Variants in SETBP1 observed in about 807,000 individuals in gnomAD.
The protein encoded by SETBP1 is SET binding protein 1, also known as SET-binding protein.
In SETBP1, 9 loss-of-function variants were observed where a neutral mutation model predicts 101.0. That is an observed-to-expected ratio of 0.09 (90% CI 0.05 to 0.16). The LOEUF (loss-of-function observed/expected upper bound fraction) is 0.16, where lower values mean the gene tolerates loss of function less well. SETBP1 is among the 10% of genes least tolerant of loss of function. The probability of loss-of-function intolerance (pLI) is 1.00; values close to 1 mark genes in which losing one functional copy is unlikely to be tolerated. For missense variants in SETBP1, 1,858 were observed against 2,033.8 expected (o/e 0.91, Z 1.66); for synonymous variants, 818 against 788.5 (o/e 1.04, Z -0.63).
chr18:44,733,745 G>A (rs17782904), intron 2 of SETBP1, among the ~76,000 whole-genome samples: 26,612 of 152,160 alleles, frequency 0.17, 2,643 homozygotes, highest in Middle Eastern at 0.25. Context: ...ATTGCACGGT[G>A]TCCCTGAGAA....
At chr18:44,887,290 A>G (rs538302397) in intron 3 of SETBP1, among the ~76,000 whole-genome samples, 4 of 152,228 alleles carry the variant, frequency 2.6e-5, no homozygotes, top group South Asian at 2.1e-4. Flanking sequence ...CCTTTGGGAC[A>G]TGTTTGATGA....
At position 44,951,609 on chromosome 18, in the gene SETBP1, G is replaced by C. The variant is rs2071352943; in HGVS notation, c.2269G>C (p.Asp757His). Residue 757 changes from aspartate to histidine, a missense_variant, in exon 4 of 6, where the codon GAT becomes CAT. Transcript: ENST00000649279. The surrounding 1 kb of genome is among the most constrained non-coding windows in gnomAD (Gnocchi z 7.8). The stretch of plus-strand genomic sequence containing the variant: ...CCCCAGGCCTGTTTCTAGCCAGCCG[G>C]ATGTTCCAGCCGTGCCTTCCAACTT... ...KHPRPVSSQP[D>H]VPAVPSNFQS... 2 of 1,614,156 alleles carry C rather than the reference G, an allele frequency of 1.2e-6. No individual in the cohort carries two copies. Among genetic ancestry groups the C allele is most frequent in the Non-Finnish European group, 8.5e-7 (1 of 1,180,028 alleles).
At chr18:45,029,819 A>G (rs1005714359) in intron 4 of SETBP1, among the ~76,000 whole-genome samples, 1 of 151,916 alleles carries the variant, frequency 6.6e-6, no homozygotes, top group South Asian at 2.1e-4. Context: ...TTTGTCTGTT[A>G]TTGGTGTATA....
intron 2 of SETBP1, among the ~76,000 whole-genome samples, chr18:44,816,201 A>G (rs1486812750): frequency 6.6e-6 from 1 of 152,102 alleles, no homozygotes; most frequent in Non-Finnish European, 1.5e-5. Context: ...AGCCTTTTTC[A>G]TTCTGTGCTG....
intron 3 of SETBP1, among the ~76,000 whole-genome samples, chr18:44,925,384 A>G (rs1377528466): frequency 2.6e-5 from 4 of 152,176 alleles, no homozygotes; most frequent in African/African-American, 9.7e-5. Flanking sequence ...CTCACTGCAG[A>G]AAAACCAGGC....
chr18:44,786,146 A>G (rs2071234811), intron 2 of SETBP1, among the ~76,000 whole-genome samples: 1 of 152,204 alleles, frequency 6.6e-6, no homozygotes, highest in Admixed American at 6.5e-5. Flanking sequence ...CCTCTAAGTC[A>G]ACTTCCTGTC....
intron 1 of SETBP1, among the ~76,000 whole-genome samples, chr18:44,693,918 G>A (rs149065590): frequency 8.3e-4 from 126 of 152,260 alleles, no homozygotes; most frequent in Admixed American, 1.5e-3. Flanking sequence ...GCTCTCAGAA[G>A]ACAAATGGGC....
chr18:44,709,435 C>T (rs1328239062), intron 2 of SETBP1, among the ~76,000 whole-genome samples: 1 of 152,190 alleles, frequency 6.6e-6, no homozygotes, highest in African/African-American at 2.4e-5. Context: ...GGTCTCTCTG[C>T]CTCTGGACAG....
At chr18:44,935,796 C>T (rs1162132510) in intron 3 of SETBP1, among the ~76,000 whole-genome samples, 1 of 152,190 alleles carries the variant, frequency 6.6e-6, no homozygotes, top group Non-Finnish European at 1.5e-5. Flanking sequence ...TCTCCTCATT[C>T]ATTTAACTTT....
chr18:44,826,556 G>A (rs1421823422), intron 2 of SETBP1, among the ~76,000 whole-genome samples: 1 of 152,198 alleles, frequency 6.6e-6, no homozygotes, highest in African/African-American at 2.4e-5. Flanking sequence ...TCAATCATGA[G>A]CTGCTAAAAG....
At chr18:45,012,478 T>A (rs2072859229) in intron 4 of SETBP1, among the ~76,000 whole-genome samples, 1 of 152,064 alleles carries the variant, frequency 6.6e-6, no homozygotes, top group South Asian at 2.1e-4. Flanking sequence ...AAGGAACTGG[T>A]TGGTAGATGT....
chr18:44,737,311 G>A (rs1599053350), intron 2 of SETBP1, among the ~76,000 whole-genome samples: 1 of 152,288 alleles, frequency 6.6e-6, no homozygotes, highest in South Asian at 2.1e-4. Flanking sequence ...GGAGTGGACT[G>A]GTGTCTGAGG....
intron 4 of SETBP1, among the ~76,000 whole-genome samples, chr18:44,957,262 A>G (rs1325306216): frequency 2.0e-5 from 3 of 152,158 alleles, no homozygotes; most frequent in Non-Finnish European, 2.9e-5. Context: ...GTGGTGGAAG[A>G]GTGATGAGTG....
intron 3 of SETBP1, among the ~76,000 whole-genome samples, chr18:44,908,171 C>T (rs1379068145): frequency 6.6e-6 from 1 of 152,056 alleles, no homozygotes; most frequent in African/African-American, 2.4e-5. Flanking sequence ...AGTGATTCTC[C>T]TGCCTCAGCC....
chr18:44,697,665 T>C (rs186780019), intron 1 of SETBP1, among the ~76,000 whole-genome samples: 58 of 152,354 alleles, frequency 3.8e-4, no homozygotes, highest in African/African-American at 1.3e-3. Context: ...GCAATCATGT[T>C]AGAGAAATAA....
chr18:44,834,142 G>T (rs1304958461), intron 2 of SETBP1, among the ~76,000 whole-genome samples: 2 of 152,170 alleles, frequency 1.3e-5, no homozygotes, highest in East Asian at 3.9e-4. Context: ...ATGAGATAAT[G>T]GGTGTGGATC....
intron 4 of SETBP1, among the ~76,000 whole-genome samples, chr18:45,036,863 G>A (rs1342288250): frequency 6.6e-6 from 1 of 152,242 alleles, no homozygotes; most frequent in African/African-American, 2.4e-5. Flanking sequence ...AGTTTGGCCA[G>A]GTGGACCAAT....
chr18:44,817,043 G>T (rs539100729), intron 2 of SETBP1, among the ~76,000 whole-genome samples: 1 of 152,156 alleles, frequency 6.6e-6, no homozygotes, highest in Non-Finnish European at 1.5e-5. Flanking sequence ...AAGCTGGTAC[G>T]GTGCATACCC....
intron 2 of SETBP1, among the ~76,000 whole-genome samples, chr18:44,744,085 C>T (rs1201051364): frequency 6.6e-6 from 1 of 152,228 alleles, no homozygotes; most frequent in African/African-American, 2.4e-5. Flanking sequence ...CACCCCTGAA[C>T]ATTTCCACTC....
Sources: allele counts gnomAD v4.1 joint callset (sites outside exome capture counted in the v4.1 genomes callset), GRCh38; gene constraint gnomAD v4.1.1; non-coding constraint Gnocchi (gnomAD v3.1); transcripts MANE v1.5; gene names NCBI Gene and HGNC (gene_info 2026-07-23, HGNC 2026-07-21).